The following CNTN5 variants were observed in gnomAD, a reference collection of about 807,000 sequenced individuals.
CNTN5 encodes the protein contactin-5.
Under a neutral mutation model 129.1 loss-of-function variants are expected in CNTN5, and 77 were observed. The observed-to-expected ratio is 0.60, with a 90% confidence interval of 0.50 to 0.72. The LOEUF is 0.72. Ranked by LOEUF, CNTN5 falls within the 30% of genes least tolerant of loss-of-function variation. The pLI, the probability that CNTN5 is intolerant of heterozygous loss-of-function variation, is 0.00. For missense variants in CNTN5, 1,478 were observed against 1,328.8 expected (o/e 1.11, Z -1.75); for synonymous variants, 509 against 465.6 (o/e 1.09, Z -1.20).
At chr11:100,287,776 A>C (rs957588933) in intron 18 of CNTN5, among the ~76,000 whole-genome samples, 1 of 152,338 alleles carries the variant, frequency 6.6e-6, no homozygotes, top group Admixed American at 6.5e-5. Context: ...TTAGATGTAA[A>C]TGGACTAAAT....
chr11:100,117,261 T>C (rs1945872997), intron 13 of CNTN5, among the ~76,000 whole-genome samples: 1 of 151,926 alleles, frequency 6.6e-6, no homozygotes, highest in African/African-American at 2.4e-5. Flanking sequence ...CTGGTATTTC[T>C]TACTCCATCT....
At chr11:100,123,537 G>A (rs935163919) in intron 13 of CNTN5, among the ~76,000 whole-genome samples, 1 of 151,872 alleles carries the variant, frequency 6.6e-6, no homozygotes, top group Non-Finnish European at 1.5e-5. Context: ...AGTCATTTTT[G>A]CTAATTTAAA....
At chr11:99,338,510 T>A (rs1866340633) in intron 2 of CNTN5, among the ~76,000 whole-genome samples, 1 of 152,188 alleles carries the variant, frequency 6.6e-6, no homozygotes, top group African/African-American at 2.4e-5. Context: ...GGATAACTTT[T>A]TTTGTTGCTG....
intron 13 of CNTN5, among the ~76,000 whole-genome samples, chr11:100,165,122 A>G (rs1325108952): frequency 6.6e-6 from 1 of 151,826 alleles, no homozygotes; most frequent in African/African-American, 2.4e-5. Flanking sequence ...GATGGGTGGC[A>G]GCAAAAATAA....
At chr11:99,239,645 G>A (rs537023965) in intron 1 of CNTN5, among the ~76,000 whole-genome samples, 2 of 152,206 alleles carry the variant, frequency 1.3e-5, no homozygotes, top group East Asian at 1.9e-4. Flanking sequence ...GTCTCAAAAA[G>A]TCACATAAGG....
At chr11:99,242,035 A>C (rs891333821) in intron 1 of CNTN5, among the ~76,000 whole-genome samples, 3 of 152,318 alleles carry the variant, frequency 2.0e-5, no homozygotes, top group African/African-American at 7.2e-5. Flanking sequence ...ACCACAAAAA[A>C]TTTAATTATG....
intron 2 of CNTN5, among the ~76,000 whole-genome samples, chr11:99,483,174 CAAAAAAAAAAAAA>C (rs34200342): frequency 1.7e-5 from 1 of 59,542 alleles, no homozygotes; most frequent in Non-Finnish European, 2.8e-5. Flanking sequence ...GACTCCTTCT[CAAAAAAAAAAAAA>C]AAAAAAAAAA....
intron 13 of CNTN5, among the ~76,000 whole-genome samples, chr11:100,161,872 C>CACACACACACAA (rs1191557675): frequency 4.7e-5 from 6 of 127,670 alleles, no homozygotes; most frequent in African/African-American, 9.0e-5. Context: ...CACACACACA[C>CACACACACACAA]AAAACAAAAA....
chr11:100,216,536 C>T (rs1949142177), intron 15 of CNTN5, among the ~76,000 whole-genome samples: 1 of 151,786 alleles, frequency 6.6e-6, no homozygotes, highest in Non-Finnish European at 1.5e-5. Flanking sequence ...TAACTGAGGA[C>T]ACGTCAGTTG....
intron 2 of CNTN5, among the ~76,000 whole-genome samples, chr11:99,447,184 A>G (rs887984753): frequency 2.0e-5 from 3 of 152,196 alleles, no homozygotes; most frequent in African/African-American, 4.8e-5. Flanking sequence ...AAAAAGTGAT[A>G]ATTATATCTA....
At chr11:99,901,864 T>A (rs1949366646) in intron 6 of CNTN5, among the ~76,000 whole-genome samples, 1 of 152,210 alleles carries the variant, frequency 6.6e-6, no homozygotes, top group South Asian at 2.1e-4. Context: ...ATGGCTGTCA[T>A]TTATTAAGGG....
intron 3 of CNTN5, among the ~76,000 whole-genome samples, chr11:99,665,084 T>C (rs1374537712): frequency 6.6e-6 from 1 of 152,178 alleles, no homozygotes; most frequent in South Asian, 2.1e-4. Flanking sequence ...TATAGTTCGC[T>C]ATAAGAAGGA....
intron 1 of CNTN5, among the ~76,000 whole-genome samples, chr11:99,095,013 G>C (rs1488639798): frequency 6.6e-6 from 1 of 151,596 alleles, no homozygotes; most frequent in East Asian, 1.9e-4. Context: ...TTTAACTTCT[G>C]GGATACATGT....
rs531022715 is a variant in CNTN5 at position 100,276,428 on chromosome 11, A to C, written c.2314+5187A>C. 2.0e-5 allele frequency among the ~76,000 whole-genome samples: 3 copies of C among 149,172 alleles called. No individual in the cohort carries two copies. The East Asian group carries it at 6.1e-4, about 30-fold the overall frequency. On this transcript the variant is annotated intron_variant, in intron 18 of 24. Coordinates refer to ENST00000524871, the MANE Select transcript of CNTN5 (RefSeq NM_014361.4). ...GTGGCACACACCTGTAATTTTAGCT[A>C]TTCAGATGACTGAGGCATGAGAACC...
chr11:100,140,069 A>G (rs1946644165), intron 13 of CNTN5, among the ~76,000 whole-genome samples: 2 of 152,180 alleles, frequency 1.3e-5, no homozygotes, highest in Admixed American at 1.3e-4. Flanking sequence ...AGTAGAGTAG[A>G]AACAAGGGCA....
At chr11:99,972,447 C>T (rs945013913) in intron 8 of CNTN5, among the ~76,000 whole-genome samples, 5 of 152,150 alleles carry the variant, frequency 3.3e-5, no homozygotes, top group African/African-American at 9.7e-5. Flanking sequence ...TGCGCCTCAA[C>T]CTTACCAGGA....
intron 7 of CNTN5, among the ~76,000 whole-genome samples, chr11:99,947,656 CA>C (rs1421806821): frequency 6.6e-6 from 1 of 152,062 alleles, no homozygotes; most frequent in Non-Finnish European, 1.5e-5. Context: ...AAATGAAGCC[CA>C]AAAGCAACTC....
chr11:99,814,747 A>G (rs1459479266), intron 3 of CNTN5, among the ~76,000 whole-genome samples: 1 of 152,132 alleles, frequency 6.6e-6, no homozygotes, highest in African/African-American at 2.4e-5. Flanking sequence ...GTCTTGAAGT[A>G]GTTGAGATGC....
At chr11:100,021,514 G>A (rs1941147237) in intron 9 of CNTN5, among the ~76,000 whole-genome samples, 1 of 152,006 alleles carries the variant, frequency 6.6e-6, no homozygotes, top group East Asian at 1.9e-4. Context: ...ACATACTTTA[G>A]GATGTTTATG....
Sources: allele counts gnomAD v4.1 joint callset (sites outside exome capture counted in the v4.1 genomes callset), GRCh38; gene constraint gnomAD v4.1.1; transcripts MANE v1.5; gene names NCBI Gene and HGNC (gene_info 2026-07-23, HGNC 2026-07-21).